The following BEND6 variants were observed in gnomAD, a reference collection of about 807,000 sequenced individuals.
BEND6 encodes BEN domain-containing protein 6.
In BEND6, 24 loss-of-function variants were observed where a neutral mutation model predicts 31.8. The ratio of observed to expected loss-of-function variants is 0.75; its 90% confidence interval spans 0.55 to 1.06. BEND6 has a LOEUF of 1.06. Among genes scored for constraint, BEND6 ranks in the 50% least tolerant of loss-of-function variants. The pLI, the probability that BEND6 is intolerant of heterozygous loss-of-function variation, is 0.00. For synonymous variants in BEND6, 109 were observed against 114.6 expected, an observed-to-expected ratio of 0.95 and a Z score of 0.31; for missense variants, 294 against 327.4, an observed-to-expected ratio of 0.90 and a Z score of 0.79.
intron 1 of BEND6, among the ~76,000 whole-genome samples, chr6:56,962,338 C>T (rs1156780556): frequency 3.3e-5 from 5 of 152,224 alleles, no homozygotes; most frequent in Admixed American, 3.3e-4. Flanking sequence ...CACCATATTT[C>T]CAGGATACTA....
intron 1 of BEND6, among the ~76,000 whole-genome samples, chr6:56,962,769 G>A (rs906682160): frequency 6.6e-6 from 1 of 152,082 alleles, no homozygotes; most frequent in African/African-American, 2.4e-5. Flanking sequence ...AGATTAAGGG[G>A]CACCAACAGC....
intron 1 of BEND6, among the ~76,000 whole-genome samples, chr6:56,972,760 A>G (rs534098283): frequency 6.6e-6 from 1 of 152,346 alleles, no homozygotes; most frequent in South Asian, 2.1e-4. Context: ...AACAAATACC[A>G]TAGACTGGGT....
intron 1 of BEND6, among the ~76,000 whole-genome samples, chr6:56,976,444 C>T (rs1825879336): frequency 6.6e-6 from 1 of 152,194 alleles, no homozygotes; most frequent in African/African-American, 2.4e-5. Flanking sequence ...ATCTGCCCAT[C>T]TCAGCCTCCC....
intron 3 of BEND6, among the ~76,000 whole-genome samples, chr6:56,997,620 C>A (rs1826771678): frequency 6.6e-6 from 1 of 152,208 alleles, no homozygotes; most frequent in South Asian, 2.1e-4. Context: ...GTGGCGCAAT[C>A]TCGGCTCACT....
In BEND6 at chr6:56,955,253, C is replaced by G. The variant is rs560684233; in HGVS notation, c.-308C>G. On this transcript the variant is annotated 5_prime_UTR_variant, in exon 1 of 7. Transcript: ENST00000370746. Reference sequence around the variant, plus strand: ...TCCGCGCCGTCCGCGGGTGCATTGGCCGGGTGCCTCTAGCTTCCCGGACAC... The same window carrying G: ...TCCGCGCCGTCCGCGGGTGCATTGGGCGGGTGCCTCTAGCTTCCCGGACAC... The G allele has an allele frequency of 6.6e-6, 1 of 152,170 alleles. No individual in the cohort carries two copies. Among genetic ancestry groups the G allele is most frequent in the African/African-American group, 2.4e-5 (1 of 41,544 alleles). 9.4% of individuals were successfully genotyped at this position (152,170 alleles called of 1,614,324 possible). A position where few individuals can be genotyped will look rare whatever the true frequency, so the allele number is the denominator to read the frequency against.
At chr6:57,014,477 T>C (rs1827460111) in intron 3 of BEND6, 3 of 1,518,552 alleles carry the variant, frequency 2.0e-6, no homozygotes, top group Non-Finnish European at 2.6e-6. Flanking sequence ...AAACTAGATA[T>C]AACAACAGAG....
At chr6:56,963,579 A>G (rs1330654901) in intron 1 of BEND6, among the ~76,000 whole-genome samples, 5 of 152,134 alleles carry the variant, frequency 3.3e-5, no homozygotes, top group Admixed American at 3.3e-4. Context: ...TTTATAAAAG[A>G]GAAAGCTATA....
At chr6:57,006,424 T>C (rs1175002773) in intron 3 of BEND6, among the ~76,000 whole-genome samples, 3 of 152,226 alleles carry the variant, frequency 2.0e-5, no homozygotes, top group Non-Finnish European at 2.9e-5. Context: ...TTAGTTTGTA[T>C]TGGACCCTGC....
intron 2 of BEND6, 36 bp from the exon 3 acceptor site, chr6:56,992,342 T>G: frequency 5.1e-6 from 8 of 1,558,018 alleles, no homozygotes; most frequent in Non-Finnish European, 6.9e-6. Flanking sequence ...AAAGATGCTA[T>G]GAGGCTTCTT....
At chr6:56,997,149 C>T (rs747543601) in intron 3 of BEND6, among the ~76,000 whole-genome samples, 3 of 152,172 alleles carry the variant, frequency 2.0e-5, no homozygotes, top group East Asian at 3.8e-4. Flanking sequence ...ACTTTCCCTC[C>T]GAAGACATCA....
chr6:56,978,357 C>T (rs1038657023), intron 1 of BEND6, among the ~76,000 whole-genome samples: 1 of 151,946 alleles, frequency 6.6e-6, no homozygotes, highest in Admixed American at 6.6e-5. Context: ...TATTTTGCAA[C>T]CATCACCACA....
chr6:56,992,807 T>C (rs1286036647), intron 3 of BEND6, among the ~76,000 whole-genome samples: 1 of 152,224 alleles, frequency 6.6e-6, no homozygotes, highest in African/African-American at 2.4e-5. Flanking sequence ...TTAATAGTTT[T>C]TAAGAGATTA....
intron 3 of BEND6, chr6:57,014,584 T>C (rs937333736): frequency 1.4e-5 from 17 of 1,241,870 alleles, no homozygotes; most frequent in Non-Finnish European, 1.6e-5. Flanking sequence ...CCAAAATTCA[T>C]CTTTAATATA....
chr6:56,984,680 A>G (rs1826192867), intron 2 of BEND6, among the ~76,000 whole-genome samples: 1 of 152,198 alleles, frequency 6.6e-6, no homozygotes, highest in South Asian at 2.1e-4. Context: ...TTATTTGATC[A>G]TGGATTGTAA....
chr6:56,986,973 CTTTT>C (rs869195941), intron 2 of BEND6, among the ~76,000 whole-genome samples: 13 of 123,810 alleles, frequency 1.1e-4, no homozygotes, highest in African/African-American at 1.5e-4. Context: ...TGTTTCTTTT[CTTTT>C]TTTTTTTTTT....
chr6:57,019,502 T>A (rs1827670976), intron 6 of BEND6, among the ~76,000 whole-genome samples: 1 of 152,180 alleles, frequency 6.6e-6, no homozygotes, highest in Non-Finnish European at 1.5e-5. Context: ...CCAGCCACTT[T>A]CGAGACCATT....
chr6:56,956,976 T>C (rs770125232), intron 1 of BEND6, among the ~76,000 whole-genome samples: 1 of 152,208 alleles, frequency 6.6e-6, no homozygotes, highest in Non-Finnish European at 1.5e-5. Context: ...TAACAGAATT[T>C]TGGAAGGTCA....
intron 1 of BEND6, among the ~76,000 whole-genome samples, chr6:56,963,803 A>G (rs1825367845): frequency 6.8e-6 from 1 of 147,526 alleles, no homozygotes; most frequent in African/African-American, 2.5e-5. Context: ...TTAATAAATT[A>G]ATATAATTTA....
chr6:57,014,620 A>C (rs1432093393), intron 3 of BEND6: 2 of 923,546 alleles, frequency 2.2e-6, no homozygotes, highest in Non-Finnish European at 3.1e-6. Context: ...GAATTGTGGC[A>C]GTGCATTTTT....
Sources: gnomAD v4.1 joint callset for allele counts (sites outside exome capture counted in the v4.1 genomes callset) on GRCh38, gnomAD v4.1.1 for gene constraint, MANE v1.5 for transcripts, NCBI Gene and HGNC (gene_info 2026-07-23, HGNC 2026-07-21) for gene names.